The following GAB1 variants were observed in gnomAD, a reference collection of about 807,000 sequenced individuals.
GAB1 encodes the protein GRB2-associated-binding protein 1.
In GAB1, 19 loss-of-function variants were observed where a neutral mutation model predicts 66.5. That is an observed-to-expected ratio of 0.29 (90% CI 0.20 to 0.42). The LOEUF (loss-of-function observed/expected upper bound fraction) is 0.42, where lower values mean the gene tolerates loss of function less well. Ranked by LOEUF, GAB1 falls within the 10% of genes least tolerant of loss-of-function variation. The pLI is 1.00. For missense variants in GAB1, 732 were observed against 858.5 expected, an observed-to-expected ratio of 0.85 and a Z score of 1.84; for synonymous variants, 294 against 301.4, an observed-to-expected ratio of 0.98 and a Z score of 0.25.
intron 1 of GAB1, chr4:143,382,166 ACTAATG>A (rs1730684027): frequency 6.6e-6 from 1 of 152,218 alleles, no homozygotes; most frequent in Non-Finnish European, 1.5e-5. Flanking sequence ...GGTTAGACAG[ACTAATG>A]CTGTTTTGTT....
At chr4:143,358,360 A>G (rs1293762268) in intron 1 of GAB1, among the ~76,000 whole-genome samples, 2 of 152,200 alleles carry the variant, frequency 1.3e-5, no homozygotes, top group African/African-American at 2.4e-5. Flanking sequence ...TCATGAAGCA[A>G]TGTGAGTTGA....
At chr4:143,467,717 G>T (rs375542600) in intron 9 of GAB1, among the ~76,000 whole-genome samples, 1 of 152,146 alleles carries the variant, frequency 6.6e-6, no homozygotes, top group Non-Finnish European at 1.5e-5. Context: ...GAACCAGGAG[G>T]TGCTACCATC....
intron 2 of GAB1, among the ~76,000 whole-genome samples, chr4:143,426,676 A>T (rs1347121864): frequency 2.0e-5 from 3 of 152,200 alleles, no homozygotes; most frequent in Non-Finnish European, 2.9e-5. Flanking sequence ...CTTGTTTGTT[A>T]TTGGGAACCA....
At chr4:143,338,029 G>A (rs1728717793) in intron 1 of GAB1, among the ~76,000 whole-genome samples, 1 of 152,202 alleles carries the variant, frequency 6.6e-6, no homozygotes, top group South Asian at 2.1e-4. Context: ...GATTTCAGTT[G>A]CGGTCCTTTC....
chr4:143,375,822 A>T (rs1730393221), intron 1 of GAB1, among the ~76,000 whole-genome samples: 1 of 152,064 alleles, frequency 6.6e-6, no homozygotes, highest in Admixed American at 6.6e-5. Flanking sequence ...GTGTTTAGTT[A>T]GCAGCAGCAT....
chr4:143,427,544 A>AC (rs1425831562), intron 2 of GAB1, among the ~76,000 whole-genome samples: 16 of 152,004 alleles, frequency 1.1e-4, no homozygotes, highest in African/African-American at 3.9e-4. Flanking sequence ...GTAAAAAAAA[A>AC]AAACAACAAC....
chr4:143,360,549 GA>G (rs972099132), intron 1 of GAB1, among the ~76,000 whole-genome samples: 8 of 151,904 alleles, frequency 5.3e-5, no homozygotes, highest in Non-Finnish European at 7.4e-5. Flanking sequence ...AAAATAGAAG[GA>G]AAAAAAGGTG....
At chr4:143,403,130 G>T (rs1262291947) in intron 1 of GAB1, among the ~76,000 whole-genome samples, 1 of 151,836 alleles carries the variant, frequency 6.6e-6, no homozygotes, top group East Asian at 1.9e-4. Flanking sequence ...TAGTGTACTT[G>T]TTTTCTTTTT....
intron 2 of GAB1, among the ~76,000 whole-genome samples, chr4:143,430,379 C>T (rs1433701950): frequency 6.6e-6 from 1 of 152,130 alleles, no homozygotes; most frequent in Non-Finnish European, 1.5e-5. Flanking sequence ...AATTTTGGAA[C>T]ATATATTAAT....
chr4:143,448,890 A>T (rs1734727611), intron 6 of GAB1, among the ~76,000 whole-genome samples: 1 of 151,072 alleles, frequency 6.6e-6, no homozygotes, highest in Admixed American at 6.6e-5. Flanking sequence ...TTAGGGTGTC[A>T]ATTTTGGATC....
chr4:143,345,843 C>T (rs1014685677), intron 1 of GAB1, among the ~76,000 whole-genome samples: 18 of 152,156 alleles, frequency 1.2e-4, no homozygotes, highest in Non-Finnish European at 2.4e-4. Context: ...TTTTGTGAAA[C>T]GAAATCCTGG....
intron 1 of GAB1, among the ~76,000 whole-genome samples, chr4:143,351,616 TAG>T (rs1490162704): frequency 4.6e-5 from 7 of 152,196 alleles, no homozygotes; most frequent in Admixed American, 2.6e-4. Context: ...GATGGATCCC[TAG>T]TCAGGGACCA....
intron 1 of GAB1, among the ~76,000 whole-genome samples, chr4:143,396,971 G>T (rs1731486184): frequency 6.6e-6 from 1 of 152,178 alleles, no homozygotes; most frequent in Admixed American, 6.5e-5. Flanking sequence ...AAAGCAGGGA[G>T]GGGTAAGAGA....
chr4:143,399,370 G>C (rs1731630558), intron 1 of GAB1, among the ~76,000 whole-genome samples: 1 of 152,216 alleles, frequency 6.6e-6, no homozygotes, highest in African/African-American at 2.4e-5. Flanking sequence ...TTGGCTTTAG[G>C]ACAAAAGGGT....
intron 1 of GAB1, among the ~76,000 whole-genome samples, chr4:143,338,205 T>C (rs1009430371): frequency 6.6e-6 from 1 of 152,240 alleles, no homozygotes; most frequent in Non-Finnish European, 1.5e-5. Flanking sequence ...TCCTCCCCAT[T>C]GGTTGTTTTG....
At chr4:143,466,450 G>A (rs1047597690) in intron 9 of GAB1, among the ~76,000 whole-genome samples, 9 of 133,300 alleles carry the variant, frequency 6.8e-5, no homozygotes, top group Non-Finnish European at 1.3e-4. Flanking sequence ...TTTTTTAGTG[G>A]TTACCATTGA....
chr4:143,365,618 G>A (rs1729853392), intron 1 of GAB1, among the ~76,000 whole-genome samples: 1 of 152,180 alleles, frequency 6.6e-6, no homozygotes, highest in South Asian at 2.1e-4. Flanking sequence ...CTGCCTCCTG[G>A]CCAGCAGCAA....
intron 6 of GAB1, among the ~76,000 whole-genome samples, chr4:143,447,717 A>C (rs1160957381): frequency 6.6e-6 from 1 of 152,194 alleles, no homozygotes; most frequent in Non-Finnish European, 1.5e-5. Flanking sequence ...TAGATATACA[A>C]TCATGTCATC....
chr4:143,456,393 C>T (rs1266265264), intron 6 of GAB1, among the ~76,000 whole-genome samples: 2 of 150,992 alleles, frequency 1.3e-5, no homozygotes, highest in African/African-American at 2.4e-5. Context: ...GGAGGCAGAG[C>T]TTGCGGTGAG....
Sources: gnomAD v4.1 joint callset for allele counts (sites outside exome capture counted in the v4.1 genomes callset) on GRCh38, gnomAD v4.1.1 for gene constraint, MANE v1.5 for transcripts, NCBI Gene and HGNC (gene_info 2026-07-23, HGNC 2026-07-21) for gene names.